TPTE: variants seen among roughly 807,000 people sequenced by gnomAD.
The protein encoded by TPTE is transmembrane phosphatase with tensin homology, also known as putative tyrosine-protein phosphatase TPTE.
Under a neutral mutation model 84.1 loss-of-function variants are expected in TPTE, and 59 were observed. That is an observed-to-expected ratio of 0.70 (90% CI 0.57 to 0.87). The LOEUF (loss-of-function observed/expected upper bound fraction) is 0.87, where lower values mean the gene tolerates loss of function less well. TPTE is among the 40% of genes least tolerant of loss of function. The probability of loss-of-function intolerance (pLI) is 0.00; values close to 1 mark genes in which losing one functional copy is unlikely to be tolerated. For synonymous variants in TPTE, 130 were observed against 223.5 expected, an observed-to-expected ratio of 0.58 and a Z score of 3.73; for missense variants, 382 against 659.6, an observed-to-expected ratio of 0.58 and a Z score of 4.61.
At chr21:10,542,584 C>T in intron 6 of TPTE, 136 bp downstream of exon 6, 4 of 1,218,266 alleles carry the variant, frequency 3.3e-6, no homozygotes, top group Non-Finnish European at 3.5e-6. Flanking sequence ...TCCATCCATC[C>T]ATCCATTCAT....
intron 2 of TPTE, among the ~76,000 whole-genome samples, chr21:10,526,299 C>A (rs562889604): frequency 1.3e-3 from 195 of 152,348 alleles, no homozygotes; most frequent in African/African-American, 4.6e-3. Flanking sequence ...GCACTCCTTT[C>A]CTCACAGGCT....
Position 10,569,556 on chromosome 21 carries a change from T to A in TPTE, c.666+20T>A. The A allele has an allele frequency of 6.2e-7, 1 of 1,613,782 alleles. No homozygotes were observed. Among genetic ancestry groups the A allele is most frequent in the Non-Finnish European group, 8.5e-7 (1 of 1,179,802 alleles). ...AGGCGGGTAAGTGGGCAAAACATGC[T>A]TATGATTCACAAAAATATTTTGTGT... On this transcript the variant is annotated intron_variant, in intron 12 of 23. Transcript: ENST00000618007.
intron 9 of TPTE, among the ~76,000 whole-genome samples, chr21:10,560,283 A>C (rs1372436123): frequency 1.3e-5 from 2 of 152,310 alleles, no homozygotes; most frequent in East Asian, 3.8e-4. Flanking sequence ...TTCTCTACAT[A>C]AGAGTAAGAT....
At chr21:10,597,412 C>CTTTTTTTT (rs146272836) in intron 20 of TPTE, among the ~76,000 whole-genome samples, 34 of 139,886 alleles carry the variant, frequency 2.4e-4, no homozygotes, top group African/African-American at 3.6e-4. Flanking sequence ...TTTCTTTTTT[C>CTTTTTTTT]TTTTTTTTTT....
At chr21:10,560,443 G>A (rs1384609068) in intron 9 of TPTE, among the ~76,000 whole-genome samples, 2 of 152,310 alleles carry the variant, frequency 1.3e-5, no homozygotes, top group Admixed American at 1.3e-4. Flanking sequence ...TATGGAGAAT[G>A]TATTTAGAAT....
intron 1 of TPTE, among the ~76,000 whole-genome samples, chr21:10,522,025 C>T (rs1267932860): frequency 6.6e-6 from 1 of 152,186 alleles, no homozygotes; most frequent in East Asian, 1.9e-4. Context: ...GAGGAAATGG[C>T]CTAGGAGCCG....
chr21:10,600,134 CTTTTTCTTTT>C (rs1264925887), intron 21 of TPTE, among the ~76,000 whole-genome samples: 1 of 144,434 alleles, frequency 6.9e-6, no homozygotes, highest in African/African-American at 2.6e-5. Context: ...CAATTTTTTT[CTTTTTCTTTT>C]TTTTTTTTTT....
intron 3 of TPTE, among the ~76,000 whole-genome samples, chr21:10,531,332 G>A (rs1032300502): frequency 2.0e-5 from 3 of 152,312 alleles, no homozygotes; most frequent in African/African-American, 7.2e-5. Flanking sequence ...GCAAGAGCTG[G>A]TGGTTTAAAA....
chr21:10,569,027 A>C (rs2145701053), intron 11 of TPTE, among the ~76,000 whole-genome samples: 1 of 152,426 alleles, frequency 6.6e-6, no homozygotes, highest in South Asian at 2.1e-4. Context: ...TTGATGTGGA[A>C]AAAATTGAAA....
chr21:10,558,642 G>T (rs1489853560), intron 8 of TPTE, among the ~76,000 whole-genome samples: 2 of 152,308 alleles, frequency 1.3e-5, no homozygotes, highest in Admixed American at 6.5e-5. Context: ...TTAGGCACAG[G>T]CTGTGAGCAT....
intron 23 of TPTE, 131 bp from the exon 24 acceptor site, chr21:10,605,286 A>T (rs527993732): frequency 3.0e-5 from 39 of 1,284,446 alleles, no homozygotes; most frequent in South Asian, 8.2e-5. Flanking sequence ...ACTGAGACAC[A>T]AAAAAAGGGC....
At chr21:10,589,206 T>C (rs1303157276) in intron 17 of TPTE, among the ~76,000 whole-genome samples, 2 of 152,312 alleles carry the variant, frequency 1.3e-5, no homozygotes, top group Non-Finnish European at 2.9e-5. Context: ...TTCTTTCCCT[T>C]TCCCTTCTCC....
chr21:10,542,297 T>C (rs540191146), intron 5 of TPTE, 98 bp from the exon 6 acceptor site: 3 of 1,415,200 alleles, frequency 2.1e-6, no homozygotes, highest in Non-Finnish European at 3.0e-6. Context: ...AGTCAGAAAT[T>C]AATTGGTTTC....
intron 3 of TPTE, among the ~76,000 whole-genome samples, chr21:10,532,465 C>T (rs2074195287): frequency 6.6e-6 from 1 of 152,300 alleles, no homozygotes. Context: ...TTTTGTTAAT[C>T]TTCTCCACGG....
At chr21:10,548,496 C>T (rs926118513) in intron 7 of TPTE, among the ~76,000 whole-genome samples, 15 of 152,296 alleles carry the variant, frequency 9.8e-5, no homozygotes, top group Admixed American at 9.2e-4. Context: ...AGAAGTAGTC[C>T]CCAGGGCTTC....
intron 7 of TPTE, among the ~76,000 whole-genome samples, chr21:10,547,464 T>TCACAAA (rs2074489806): frequency 6.6e-6 from 1 of 152,308 alleles, no homozygotes; most frequent in Non-Finnish European, 1.5e-5. Flanking sequence ...CCCACTGCCA[T>TCACAAA]CACAAACACA....
intron 1 of TPTE, among the ~76,000 whole-genome samples, chr21:10,522,106 C>T (rs2073989701): frequency 6.6e-6 from 1 of 152,030 alleles, no homozygotes; most frequent in Admixed American, 6.6e-5. Context: ...TGCGGAGGCT[C>T]CCGCGCCGCC....
At chr21:10,561,370 T>C (rs530177224) in intron 10 of TPTE, among the ~76,000 whole-genome samples, 179 bp downstream of exon 10, 284 of 152,248 alleles carry the variant, frequency 1.9e-3, no homozygotes, top group South Asian at 3.9e-3. Context: ...TGGTTGCCTG[T>C]AATCCCAGCT....
intron 21 of TPTE, among the ~76,000 whole-genome samples, chr21:10,601,527 C>T (rs1464748206): frequency 1.3e-5 from 2 of 152,202 alleles, no homozygotes; most frequent in Non-Finnish European, 2.9e-5. Context: ...AAAAGTGGTT[C>T]ATGATAACCC....
Sources: allele counts gnomAD v4.1 joint callset (sites outside exome capture counted in the v4.1 genomes callset), GRCh38; gene constraint gnomAD v4.1.1; transcripts MANE v1.5; gene names NCBI Gene and HGNC (gene_info 2026-07-23, HGNC 2026-07-21).